The following SGCZ variants were observed in gnomAD, a reference collection of about 807,000 sequenced individuals.
SGCZ encodes the protein zeta-sarcoglycan.
SGCZ carries 40 observed loss-of-function variants against 41.3 expected under a neutral mutation model. The observed-to-expected ratio is 0.97, with a 90% CI of 0.75 to 1.26. SGCZ has a LOEUF of 1.26. Among genes scored for constraint, SGCZ ranks in the 50% most tolerant of loss-of-function variants. SGCZ has a pLI of 0.00. For synonymous variants in SGCZ, 206 were observed against 137.5 expected, an observed-to-expected ratio of 1.50 and a Z score of -3.49; for missense variants, 552 against 369.8, an observed-to-expected ratio of 1.49 and a Z score of -4.04.
intron 2 of SGCZ, among the ~76,000 whole-genome samples, chr8:14,549,752 T>C (rs530580072): frequency 6.6e-6 from 1 of 152,048 alleles, no homozygotes; most frequent in African/African-American, 2.4e-5. Context: ...TACAGACATA[T>C]ATGAATACAG....
chr8:14,825,138 T>G (rs1209545685), intron 1 of SGCZ, among the ~76,000 whole-genome samples: 2 of 152,298 alleles, frequency 1.3e-5, no homozygotes, highest in Middle Eastern at 3.4e-3. Context: ...TCCTCTCTCT[T>G]AAATTGATAT....
In SGCZ at chr8:14,741,322, TAA is replaced by T. The variant is rs1487305623; in HGVS notation, c.40-186398_40-186397del. 2.0e-5 allele frequency among the ~76,000 whole-genome samples: 3 copies of T among 152,144 alleles called. No individual in the cohort carries two copies. The South Asian group carries it at 6.2e-4, about 32-fold the overall frequency. The stretch of plus-strand genomic sequence containing the variant: ...ATCTTTTAGACCATCAACCAAGAAA[TAA>T]GTGACTGATTTTACTGTGTTTGCAT... On this transcript the variant is annotated intron_variant, in intron 1 of 7. Coordinates refer to ENST00000382080, the MANE Select transcript of SGCZ (RefSeq NM_139167.4).
chr8:14,192,585 C>T (rs538349305), intron 4 of SGCZ, among the ~76,000 whole-genome samples: 11 of 151,904 alleles, frequency 7.2e-5, no homozygotes, highest in African/African-American at 2.6e-4. Context: ...CAAGAATATG[C>T]TTATTATTAG....
Position 14,830,099 on chromosome 8 carries a change from C to T in SGCZ, c.40-275173G>A, listed in dbSNP as rs141161094. Among the ~76,000 whole-genome samples the T allele has an allele frequency of 3.3e-3, 500 of 152,246 alleles. 2 individuals carry two copies. Among genetic ancestry groups the T allele is most frequent in the Middle Eastern group, 0.01 (3 of 294 alleles). Reference sequence around the variant, plus strand: ...TGCTGGGATTACAGGCATGAGCCACCGCACCCGGCCTTATGTTTGTATTTT... The same window carrying T: ...TGCTGGGATTACAGGCATGAGCCACTGCACCCGGCCTTATGTTTGTATTTT... On this transcript the variant is annotated intron_variant, in intron 1 of 7. Coordinates refer to ENST00000382080, the MANE Select transcript of SGCZ (RefSeq NM_139167.4).
chr8:15,207,508 G>C (rs1332168399), intron 1 of SGCZ, among the ~76,000 whole-genome samples: 1 of 152,180 alleles, frequency 6.6e-6, no homozygotes, highest in Non-Finnish European at 1.5e-5. Flanking sequence ...AAATAAAAGA[G>C]TCGGCAGAGA....
chr8:14,997,073 A>G (rs1802244244), intron 1 of SGCZ, among the ~76,000 whole-genome samples: 2 of 152,150 alleles, frequency 1.3e-5, no homozygotes, highest in Non-Finnish European at 2.9e-5. Flanking sequence ...TTAAAATTGA[A>G]TCAATTTCTC....
chr8:14,989,052 C>A (rs1390173917), intron 1 of SGCZ, among the ~76,000 whole-genome samples: 1 of 151,892 alleles, frequency 6.6e-6, no homozygotes, highest in East Asian at 1.9e-4. Context: ...TCTTAAGAAT[C>A]CAGGGAATCA....
chr8:14,551,298 G>A (rs1803801279), intron 2 of SGCZ, among the ~76,000 whole-genome samples: 1 of 142,912 alleles, frequency 7.0e-6, no homozygotes, highest in Non-Finnish European at 1.5e-5. Flanking sequence ...TCAGTAGAAT[G>A]CCTGGATTTG....
At chr8:14,436,262 G>A (rs1264037885) in intron 2 of SGCZ, among the ~76,000 whole-genome samples, 2 of 152,206 alleles carry the variant, frequency 1.3e-5, no homozygotes, top group Non-Finnish European at 2.9e-5. Flanking sequence ...TTGAATCACA[G>A]AGCAGGGAGG....
At chr8:14,373,981 A>T (rs2117169763) in intron 2 of SGCZ, among the ~76,000 whole-genome samples, 1 of 151,980 alleles carries the variant, frequency 6.6e-6, no homozygotes, top group African/African-American at 2.4e-5. Flanking sequence ...GGAACTTAAA[A>T]TAAAAATAAA....
chr8:15,165,860 G>C (rs1247729715), intron 1 of SGCZ, among the ~76,000 whole-genome samples: 1 of 152,146 alleles, frequency 6.6e-6, no homozygotes, highest in Non-Finnish European at 1.5e-5. Context: ...TTCAAAAAGG[G>C]TGTCATATGG....
intron 1 of SGCZ, among the ~76,000 whole-genome samples, chr8:14,793,478 C>T (rs1801024346): frequency 6.6e-6 from 1 of 152,170 alleles, no homozygotes; most frequent in Non-Finnish European, 1.5e-5. Flanking sequence ...CCACAAATAT[C>T]AGAGAAAATG....
At position 14,849,442 on chromosome 8, in the gene SGCZ, T is replaced by C. The variant is rs534488796; in HGVS notation, c.40-294516A>G. Among the ~76,000 whole-genome samples the C allele has an allele frequency of 3.7e-4, 57 of 152,210 alleles. No individual in the cohort carries two copies. In the Middle Eastern group the frequency reaches 0.014, roughly 36 times the overall value. On this transcript the variant is annotated intron_variant, in intron 1 of 7. Transcript: ENST00000382080. ...AGCCGGAAACAACAGGTGAATAGAT[T>C]CCATAGAATGGAATACTACTCATCA...
chr8:15,022,648 AT>A (rs2130944980), intron 1 of SGCZ, among the ~76,000 whole-genome samples: 1 of 152,158 alleles, frequency 6.6e-6, no homozygotes, highest in Non-Finnish European at 1.5e-5. Flanking sequence ...GGCCTAAATG[AT>A]TTCTTAAATA....
At chr8:14,292,243 TTG>T (rs1443407616) in intron 3 of SGCZ, among the ~76,000 whole-genome samples, 3 of 151,978 alleles carry the variant, frequency 2.0e-5, no homozygotes, top group African/African-American at 7.2e-5. Flanking sequence ...GAACAAACAA[TTG>T]TAGTACATAT....
At chr8:14,511,674 T>G (rs907257479) in intron 2 of SGCZ, among the ~76,000 whole-genome samples, 3 of 152,158 alleles carry the variant, frequency 2.0e-5, no homozygotes, top group Non-Finnish European at 4.4e-5. Context: ...AAAACTCAGA[T>G]GAAATGTGAA....
chr8:14,895,390 C>T (rs1279720660), intron 1 of SGCZ, among the ~76,000 whole-genome samples: 1 of 152,072 alleles, frequency 6.6e-6, no homozygotes, highest in Non-Finnish European at 1.5e-5. Flanking sequence ...GACACAATTA[C>T]CAATGCACAT....
At chr8:14,403,428 G>T (rs892721678) in intron 2 of SGCZ, among the ~76,000 whole-genome samples, 2 of 151,594 alleles carry the variant, frequency 1.3e-5, no homozygotes, top group Non-Finnish European at 2.9e-5. Context: ...CTGTGGGTTT[G>T]TCATAGATAG....
At chr8:15,162,635 T>G (rs1437290698) in intron 1 of SGCZ, among the ~76,000 whole-genome samples, 1 of 152,226 alleles carries the variant, frequency 6.6e-6, no homozygotes, top group Non-Finnish European at 1.5e-5. Context: ...GTGTTTCACT[T>G]TTCATAAGAG....
Sources: gnomAD v4.1 joint callset for allele counts (sites outside exome capture counted in the v4.1 genomes callset) on GRCh38, gnomAD v4.1.1 for gene constraint, MANE v1.5 for transcripts, NCBI Gene and HGNC (gene_info 2026-07-23, HGNC 2026-07-21) for gene names.